The following TGFBR2 variants were observed in gnomAD, a reference collection of about 807,000 sequenced individuals.
The protein encoded by TGFBR2 is TGF-beta receptor type-2.
A neutral mutation model predicts 49.0 loss-of-function variants in TGFBR2; 18 were observed. That is an observed-to-expected ratio of 0.37 (90% CI 0.25 to 0.54). The LOEUF (loss-of-function observed/expected upper bound fraction) is 0.54, where lower values mean the gene tolerates loss of function less well. Among genes scored for constraint, TGFBR2 ranks in the 20% least tolerant of loss-of-function variants. The pLI is 0.85. For synonymous variants in TGFBR2, 282 were observed against 275.9 expected, an observed-to-expected ratio of 1.02 and a Z score of -0.22; for missense variants, 525 against 722.6, an observed-to-expected ratio of 0.73 and a Z score of 3.13.
At chr3:30,637,466 A>T (rs569453211) in intron 1 of TGFBR2, among the ~76,000 whole-genome samples, 6 of 152,272 alleles carry the variant, frequency 3.9e-5, no homozygotes, top group Admixed American at 3.3e-4. Flanking sequence ...CCGCTGGGTC[A>T]CCCCATTGGC....
chr3:30,691,467 C>T lies in TGFBR2; in HGVS notation c.1572C>T (p.Asp524=), dbSNP rs2125455254. Residue 524 remains aspartate, a synonymous_variant, in exon 7 of 7, where the codon GAC becomes GAT. Coordinates refer to ENST00000295754, the MANE Select transcript of TGFBR2 (RefSeq NM_003242.6). The part of the protein sequence containing the change: ...CETLTECWDH[D]PEARLTAQCV... The stretch of plus-strand genomic sequence containing the variant: ...CGTTGACTGAGTGCTGGGACCACGA[C>T]CCAGAGGCCCGTCTCACAGCCCAGT... The T allele has an allele frequency of 6.2e-7, 1 of 1,614,126 alleles. No homozygotes were observed. The highest frequency in any genetic ancestry group is 1.3e-5 in the African/African-American group (1 of 75,044).
At chr3:30,647,614 A>G (rs1211369115) in intron 2 of TGFBR2, among the ~76,000 whole-genome samples, 1 of 151,996 alleles carries the variant, frequency 6.6e-6, no homozygotes, top group Non-Finnish European at 1.5e-5. Context: ...TTGTGTGCCC[A>G]TTCCATATAA....
Position 30,644,978 on chromosome 3 carries a change from G to A in TGFBR2, c.263+63G>A. The A allele has an allele frequency of 3.5e-6, 5 of 1,434,820 alleles. No homozygotes were observed. In the South Asian group the frequency reaches 5.8e-5, roughly 17 times the overall value. 88.9% of individuals were successfully genotyped at this position (1,434,820 alleles called of 1,614,324 possible). A position where few individuals can be genotyped will look rare whatever the true frequency, so the allele number is the denominator to read the frequency against. On this transcript the variant is annotated intron_variant, in intron 2 of 6. Transcript: ENST00000295754. Reference sequence around the variant, plus strand: ...CCTTTTTACATAATGTATTCTCATAGTACACACAGTCAGTGTATCTCTGTC... The same window carrying A: ...CCTTTTTACATAATGTATTCTCATAATACACACAGTCAGTGTATCTCTGTC...
intron 3 of TGFBR2, among the ~76,000 whole-genome samples, chr3:30,666,632 A>T (rs935194838): frequency 9.9e-5 from 3 of 30,380 alleles, no homozygotes; most frequent in African/African-American, 1.1e-4. Flanking sequence ...CGCAACCCCT[A>T]CCCCCCCATC....
chr3:30,615,888 G>A (rs965068062), intron 1 of TGFBR2, among the ~76,000 whole-genome samples: 6 of 151,358 alleles, frequency 4.0e-5, no homozygotes, highest in African/African-American at 1.5e-4. Context: ...CACCAAGACC[G>A]GCCAGTTTTT....
rs1699725030 is a variant in TGFBR2 at position 30,692,321 on chromosome 3, C to T, written c.*722C>T. The T allele has an allele frequency of 4.3e-6, 1 of 230,336 alleles. No individual in the cohort carries two copies. Among genetic ancestry groups the T allele is most frequent in the South Asian group, 1.8e-4 (1 of 5,504 alleles). 14.3% of individuals were successfully genotyped at this position (230,336 alleles called of 1,614,324 possible). ...TTCATTTAAGCTCCAAGCCCCAAATCTGGGGGGCTAGTTTAGAAACTCTCC... is the reference window on the plus strand; with the variant it reads ...TTCATTTAAGCTCCAAGCCCCAAATTTGGGGGGCTAGTTTAGAAACTCTCC... On this transcript the variant is annotated 3_prime_UTR_variant, in exon 7 of 7. Coordinates refer to ENST00000295754, the MANE Select transcript of TGFBR2 (RefSeq NM_003242.6).
chr3:30,619,707 G>T (rs931860012), intron 1 of TGFBR2, among the ~76,000 whole-genome samples: 2 of 151,936 alleles, frequency 1.3e-5, no homozygotes, highest in Non-Finnish European at 1.5e-5. Context: ...TTCTCTATTT[G>T]TGCCCTACAA....
chr3:30,672,309 G>A lies in TGFBR2; in HGVS notation c.1126G>A (p.Val376Met), dbSNP rs755967723. ...TPCGRPKMPI[V>M]HRDLKSSNIL... Reference sequence around the variant, plus strand: ...ATGTGGGAGGCCCAAGATGCCCATCGTGCACAGGGACCTCAAGAGCTCCAA... The same window carrying A: ...ATGTGGGAGGCCCAAGATGCCCATCATGCACAGGGACCTCAAGAGCTCCAA... The change falls in exon 4 of 7, where the codon GTG becomes ATG. Residue 376 changes from valine (V) to methionine (M), a missense_variant. Val to Met is a conservative substitution (Grantham distance 21, BLOSUM62 1). Transcript: ENST00000295754. The surrounding 1 kb of genome is among the most constrained non-coding windows in gnomAD (Gnocchi z 4.5). 1.2e-6 allele frequency: 2 copies of A among 1,610,334 alleles called. No homozygotes were observed. Among genetic ancestry groups the A allele is most frequent in the Non-Finnish European group, 8.5e-7 (1 of 1,177,686 alleles).
chr3:30,689,542 G>C (rs529531366), intron 6 of TGFBR2, among the ~76,000 whole-genome samples: 1 of 152,216 alleles, frequency 6.6e-6, no homozygotes, highest in Non-Finnish European at 1.5e-5. Flanking sequence ...AAATGGAGCA[G>C]GAAGTCTGGT....
chr3:30,651,294 T>C (rs1377976756), intron 3 of TGFBR2, among the ~76,000 whole-genome samples: 1 of 152,210 alleles, frequency 6.6e-6, no homozygotes, highest in Non-Finnish European at 1.5e-5. Context: ...AGATCATCTG[T>C]ATTGACAATG....
intron 1 of TGFBR2, among the ~76,000 whole-genome samples, chr3:30,635,567 C>T (rs1422303018): frequency 1.3e-5 from 2 of 152,070 alleles, no homozygotes; most frequent in Non-Finnish European, 2.9e-5. Flanking sequence ...ATTATTTTTC[C>T]GTTCAGCTAC....
intron 1 of TGFBR2, among the ~76,000 whole-genome samples, chr3:30,619,126 C>A (rs763513725): frequency 2.0e-5 from 3 of 152,098 alleles, no homozygotes; most frequent in Non-Finnish European, 4.4e-5. Flanking sequence ...CTTTCCATTG[C>A]AACTCATATC....
chr3:30,689,165 A>C (rs1421028392), intron 6 of TGFBR2, among the ~76,000 whole-genome samples: 1 of 152,228 alleles, frequency 6.6e-6, no homozygotes, highest in African/African-American at 2.4e-5. Context: ...AAGAAATGCT[A>C]GCTAAGGCTG....
chr3:30,653,304 T>A (rs1271664920), intron 3 of TGFBR2, among the ~76,000 whole-genome samples: 1 of 139,386 alleles, frequency 7.2e-6, no homozygotes, highest in Non-Finnish European at 1.5e-5. Context: ...CGGGCTGGAG[T>A]GCAATGGTGC....
chr3:30,622,598 A>G (rs1200196221), intron 1 of TGFBR2, among the ~76,000 whole-genome samples: 1 of 152,050 alleles, frequency 6.6e-6, no homozygotes, highest in African/African-American at 2.4e-5. Flanking sequence ...GAAAACTAGT[A>G]CCAGCCAGTG....
At chr3:30,652,192 T>C (rs1418053086) in intron 3 of TGFBR2, among the ~76,000 whole-genome samples, 1 of 150,830 alleles carries the variant, frequency 6.6e-6, no homozygotes, top group Non-Finnish European at 1.5e-5. Flanking sequence ...CTCATCCTCA[T>C]CCTGTAAATG....
At chr3:30,686,005 G>C (rs1699614147) in intron 5 of TGFBR2, among the ~76,000 whole-genome samples, 1 of 152,160 alleles carries the variant, frequency 6.6e-6, no homozygotes. Flanking sequence ...CATCATATTT[G>C]ATTAGATTGG....
At chr3:30,618,753 C>T (rs1439088344) in intron 1 of TGFBR2, among the ~76,000 whole-genome samples, 1 of 152,184 alleles carries the variant, frequency 6.6e-6, no homozygotes, top group Non-Finnish European at 1.5e-5. Context: ...TTTTACTCTT[C>T]AACATTTTTT....
In TGFBR2 at chr3:30,672,529, C is replaced by T; in HGVS notation, c.1254+92C>T. On this transcript the variant is annotated intron_variant, in intron 4 of 6. Transcript: ENST00000295754. The surrounding 1 kb of genome is among the most constrained non-coding windows in gnomAD (Gnocchi z 4.5). The stretch of plus-strand genomic sequence containing the variant: ...ATCTCCTGGCTCTTATCTCAAACAG[C>T]CCTGTACTCTGGACACTGGTCTAGG... The T allele has an allele frequency of 7.3e-7, 1 of 1,374,764 alleles. No homozygotes were observed. The highest frequency in any genetic ancestry group is 1.0e-6 in the Non-Finnish European group (1 of 964,662). 85.2% of individuals were successfully genotyped at this position (1,374,764 alleles called of 1,614,324 possible).
Sources: allele counts gnomAD v4.1 joint callset (sites outside exome capture counted in the v4.1 genomes callset), GRCh38; gene constraint gnomAD v4.1.1; non-coding constraint Gnocchi (gnomAD v3.1); transcripts MANE v1.5; gene names NCBI Gene and HGNC (gene_info 2026-07-23, HGNC 2026-07-21).